Variants in EFL1 observed in about 807,000 individuals in gnomAD.
The protein encoded by EFL1 is elongation factor like GTPase 1.
EFL1 carries 76 observed loss-of-function variants against 126.7 expected under a neutral mutation model. The ratio of observed to expected loss-of-function variants is 0.60; its 90% confidence interval spans 0.50 to 0.73. The LOEUF is 0.73. Ranked by LOEUF, EFL1 falls within the 30% of genes least tolerant of loss-of-function variation. EFL1 has a pLI of 0.00. For synonymous variants in EFL1, 410 were observed against 448.4 expected, an observed-to-expected ratio of 0.91 and a Z score of 1.08; for missense variants, 1,128 against 1,343.2, an observed-to-expected ratio of 0.84 and a Z score of 2.50.
intron 15 of EFL1, among the ~76,000 whole-genome samples, chr15:82,187,510 T>C (rs2074316210): frequency 6.6e-6 from 1 of 152,214 alleles, no homozygotes; most frequent in African/African-American, 2.4e-5. Flanking sequence ...ACATTATATT[T>C]TGGAGATTTT....
chr15:82,240,696 C>T (rs543826357), intron 5 of EFL1, 141 bp from the exon 6 acceptor site: 7 of 928,928 alleles, frequency 7.5e-6, no homozygotes, highest in South Asian at 3.6e-5. Flanking sequence ...ATGTATACAG[C>T]GGAGTAGCAA....
chr15:82,188,459 CT>C (rs1202396881), intron 15 of EFL1, among the ~76,000 whole-genome samples: 1 of 152,110 alleles, frequency 6.6e-6, no homozygotes, highest in African/African-American at 2.4e-5. Flanking sequence ...TCTTATTTCT[CT>C]CTCTGACTAG....
At chr15:82,130,916 G>C (rs528604268) in intron 19 of EFL1, among the ~76,000 whole-genome samples, 1 of 152,154 alleles carries the variant, frequency 6.6e-6, no homozygotes, top group Non-Finnish European at 1.5e-5. Flanking sequence ...TAGGGAGGCT[G>C]AGGCAGAAGA....
At chr15:82,164,846 A>T (rs1280332525) in intron 15 of EFL1, among the ~76,000 whole-genome samples, 1 of 151,638 alleles carries the variant, frequency 6.6e-6, no homozygotes, top group East Asian at 1.9e-4. Flanking sequence ...GCAGTGAGCC[A>T]AGATCGTGCC....
At chr15:82,154,270 C>T (rs901399923) in intron 17 of EFL1, among the ~76,000 whole-genome samples, 7 of 152,150 alleles carry the variant, frequency 4.6e-5, no homozygotes, top group African/African-American at 1.7e-4. Context: ...ATGGCAATTT[C>T]CTGTGGCTTC....
At chr15:82,253,647 G>C (rs543652205) in intron 3 of EFL1, among the ~76,000 whole-genome samples, 4 of 152,218 alleles carry the variant, frequency 2.6e-5, no homozygotes, top group East Asian at 3.9e-4. Context: ...GTCTCTAGAA[G>C]CAAGAGAAGT....
Position 82,185,384 on chromosome 15 carries a change from C to T in EFL1, c.1751-21400G>A, listed in dbSNP as rs185153599. On this transcript the variant is annotated intron_variant, in intron 15 of 19. Coordinates refer to ENST00000268206, the MANE Select transcript of EFL1 (RefSeq NM_024580.6). ...TAAATAAAATTAAAATGCATATCTT[C>T]ATAAATGAAAAAGTAAAAAAGAAAA... is the stretch of plus-strand genomic sequence containing the variant. Among the ~76,000 whole-genome samples the T allele has an allele frequency of 7.2e-5, 11 of 151,894 alleles. No individual in the cohort carries two copies. In the East Asian group the frequency reaches 2.1e-3, roughly 29 times the overall value.
At chr15:82,133,799 GA>G (rs1179138933) in intron 19 of EFL1, among the ~76,000 whole-genome samples, 1 of 152,210 alleles carries the variant, frequency 6.6e-6, no homozygotes, top group Admixed American at 6.5e-5. Flanking sequence ...GACAGGGTGA[GA>G]GGGGTGGTGT....
chr15:82,246,357 A>G (rs2074972921), intron 4 of EFL1, among the ~76,000 whole-genome samples: 1 of 152,150 alleles, frequency 6.6e-6, no homozygotes, highest in African/African-American at 2.4e-5. Context: ...GTTGATGTTT[A>G]CTTCTTATAA....
chr15:82,171,811 G>A (rs1032546551), intron 15 of EFL1, among the ~76,000 whole-genome samples: 2 of 151,916 alleles, frequency 1.3e-5, no homozygotes, highest in Non-Finnish European at 2.9e-5. Flanking sequence ...TCAGCATCAT[G>A]CAATACTCTC....
chr15:82,245,217 T>C (rs1345123294), intron 4 of EFL1, among the ~76,000 whole-genome samples: 1 of 152,044 alleles, frequency 6.6e-6, no homozygotes, highest in Non-Finnish European at 1.5e-5. Flanking sequence ...AGTGGCACAA[T>C]CATAGCTCAC....
At position 82,227,865 on chromosome 15, in the gene EFL1, A is replaced by T. The variant is rs187948205; in HGVS notation, c.1070-293T>A. Among the ~76,000 whole-genome samples, 4 of 152,354 alleles carry T rather than the reference A, an allele frequency of 2.6e-5. No individual in the cohort carries two copies. In the East Asian group the frequency reaches 7.7e-4, roughly 29 times the overall value. On this transcript the variant is annotated intron_variant, in intron 10 of 19. Coordinates refer to ENST00000268206, the MANE Select transcript of EFL1 (RefSeq NM_024580.6). ...GTTGGCTACAGGTGACCTTGAAATG[A>T]AACAGTTATCTAACACAAACATCTA...
intron 7 of EFL1, among the ~76,000 whole-genome samples, chr15:82,236,511 C>T (rs2074874011): frequency 2.0e-5 from 3 of 152,100 alleles, no homozygotes; most frequent in African/African-American, 7.2e-5. Flanking sequence ...AGAAACAGAC[C>T]CACACAAGTA....
At chr15:82,134,815 TAGAA>T (rs1432677050) in intron 19 of EFL1, among the ~76,000 whole-genome samples, 2 of 152,322 alleles carry the variant, frequency 1.3e-5, no homozygotes, top group Middle Eastern at 3.4e-3. Flanking sequence ...GGGTAAAACA[TAGAA>T]AGAGAAATTA....
At position 82,162,312 on chromosome 15, in the gene EFL1, C is replaced by T. The variant is rs895470505; in HGVS notation, c.1882+1541G>A. ...AATAAATAAACAAGTAAAATTATGG[C>T]TTAAATTATTTTTTCCTATTTTTAA... On this transcript the variant is annotated intron_variant, in intron 16 of 19. Coordinates refer to ENST00000268206, the MANE Select transcript of EFL1 (RefSeq NM_024580.6). 9.9e-5 allele frequency among the ~76,000 whole-genome samples: 15 copies of T among 152,156 alleles called. 1 individual carries two copies. In the East Asian group the frequency reaches 2.9e-3, roughly 29 times the overall value.
chr15:82,222,364 A>G (rs956433613), intron 12 of EFL1, among the ~76,000 whole-genome samples: 1 of 152,236 alleles, frequency 6.6e-6, no homozygotes, highest in African/African-American at 2.4e-5. Context: ...GTCTATGCTC[A>G]TTATCACCAG....
intron 15 of EFL1, among the ~76,000 whole-genome samples, chr15:82,194,136 C>T (rs71231560): frequency 3.9e-5 from 6 of 152,176 alleles, no homozygotes; most frequent in South Asian, 2.1e-4. Flanking sequence ...TTTTCCACAG[C>T]TGGGTTTGGT....
In EFL1 at chr15:82,238,364, A is replaced by G. The variant is rs777867173; in HGVS notation, c.674T>C (p.Phe225Ser). 3.6e-5 allele frequency: 58 copies of G among 1,614,030 alleles called. No individual in the cohort carries two copies. Among genetic ancestry groups the G allele is most frequent in the Non-Finnish European group, 1.3e-5 (15 of 1,180,024 alleles). The change falls in exon 7 of 20, where the codon TTC (phenylalanine) becomes TCC (serine). Residue 225 changes from phenylalanine (F) to serine (S), a missense_variant. This residue lies in a region of EFL1 where 316 missense variants were observed against 318.5 expected (regional missense o/e 0.99). Transcript: ENST00000268206. ...CACCACATTTCCCTGTTCTGGAGAG[A>G]AGTAAAGGTGAGAATCATCTGTGTC... Reference protein sequence around the residue: ...LEDTDDSHLYFSPEQGNVVFT... With the variant: ...LEDTDDSHLYSSPEQGNVVFT...
At position 82,238,471 on chromosome 15, in the gene EFL1, T is replaced by C. The variant is rs777086650; in HGVS notation, c.567A>G (p.Arg189=). 50 of 1,613,968 alleles carry C rather than the reference T, an allele frequency of 3.1e-5. No homozygotes were observed. The East Asian group carries it at 1.1e-3, about 36-fold the overall frequency. ...TLFTSKVLEE[R]AERETESQVN... ...CTTGGGATTCAGTCTCCCTCTCTGC[T>C]CTTTCTTCTAGGACTTTAGAAGTAA... Residue 189 remains arginine (R), a synonymous_variant, in exon 7 of 20, where the codon AGA becomes AGG. Coordinates refer to ENST00000268206, the MANE Select transcript of EFL1 (RefSeq NM_024580.6).
Sources: allele counts gnomAD v4.1 joint callset (sites outside exome capture counted in the v4.1 genomes callset), GRCh38; gene constraint gnomAD v4.1.1; regional missense constraint gnomAD v4.1.1; transcripts MANE v1.5; gene names NCBI Gene and HGNC (gene_info 2026-07-23, HGNC 2026-07-21).